The following SMOC2 variants were observed in gnomAD, a reference collection of about 807,000 sequenced individuals.
SMOC2 encodes SPARC-related modular calcium-binding protein 2.
SMOC2 carries 39 observed loss-of-function variants against 61.4 expected under a neutral mutation model. The ratio of observed to expected loss-of-function variants is 0.64; its 90% CI spans 0.49 to 0.83. SMOC2 has a LOEUF of 0.83. Among genes scored for constraint, SMOC2 ranks in the 40% least tolerant of loss-of-function variants. The pLI, the probability that SMOC2 is intolerant of heterozygous loss-of-function variation, is 0.00. For missense variants in SMOC2, 556 were observed against 592.9 expected, an observed-to-expected ratio of 0.94 and a Z score of 0.65; for synonymous variants, 247 against 239.9, an observed-to-expected ratio of 1.03 and a Z score of -0.27.
chr6:168,626,001 G>A (rs1456826278), intron 9 of SMOC2, among the ~76,000 whole-genome samples: 1 of 152,228 alleles, frequency 6.6e-6, no homozygotes, highest in East Asian at 1.9e-4. Context: ...CAGTGAGCAA[G>A]GCAATGGTTA....
chr6:168,511,625 T>C (rs1783010745), intron 2 of SMOC2, among the ~76,000 whole-genome samples: 1 of 152,104 alleles, frequency 6.6e-6, no homozygotes, highest in Non-Finnish European at 1.5e-5. Flanking sequence ...TTTTCCCAGA[T>C]TTAGTGCTCT....
In SMOC2 at chr6:168,441,389, T is replaced by G. The variant is rs1415238145; in HGVS notation, c.19T>G (p.Cys7Gly). MLLPQL[C>G]WLPLLAGLLP... is the part of the protein sequence containing the mutation. ...CGCCACCATGCTGCTCCCCCAGCTCTGCTGGCTGCCGCTGCTCGCTGGGCT... is the reference window on the plus strand; with the variant it reads ...CGCCACCATGCTGCTCCCCCAGCTCGGCTGGCTGCCGCTGCTCGCTGGGCT... The change falls in exon 1 of 13, where the codon TGC (cysteine) becomes GGC (glycine). Residue 7 changes from cysteine to glycine, a missense_variant. By Grantham distance (159) the Cys-to-Gly change is radical. Transcript: ENST00000356284. 1 of 1,508,436 alleles carries G rather than the reference T, an allele frequency of 6.6e-7. No individual in the cohort carries two copies. Among genetic ancestry groups the G allele is most frequent in the South Asian group, 1.2e-5 (1 of 80,908 alleles). The allele number at this position is 1,508,436 out of a possible 1,614,324, so 93.4% of individuals were successfully genotyped here.
chr6:168,502,718 A>T (rs1288242202), intron 1 of SMOC2, among the ~76,000 whole-genome samples: 7 of 150,206 alleles, frequency 4.7e-5, no homozygotes, highest in Non-Finnish European at 7.4e-5. Context: ...TTCATGCCTC[A>T]CTTACTTTTT....
At position 168,535,779 on chromosome 6, in the gene SMOC2, C is replaced by T. The variant is rs777934348; in HGVS notation, c.464-7846C>T. ...GATGTCAGGAGAGAGGCAGCGCCGC[C>T]GGGGGAAGATGGGAGGGAGACCAAT... On this transcript the variant is annotated intron_variant, in intron 4 of 12. Transcript: ENST00000356284. The surrounding 1 kb of genome is among the most constrained non-coding windows in gnomAD (Gnocchi z 4.6). Among the ~76,000 whole-genome samples, 5 of 152,108 alleles carry T rather than the reference C, an allele frequency of 3.3e-5. No homozygotes were observed. Among genetic ancestry groups the T allele is most frequent in the African/African-American group, 4.8e-5 (2 of 41,396 alleles).
chr6:168,547,023 T>C, intron 5 of SMOC2, 96 bp from the exon 6 acceptor site: 1 of 1,450,460 alleles, frequency 6.9e-7, no homozygotes, highest in Non-Finnish European at 9.7e-7. Flanking sequence ...CTGTGGGGAC[T>C]GAGTGCAAGT....
intron 1 of SMOC2, among the ~76,000 whole-genome samples, chr6:168,472,810 T>G (rs36118686): frequency 6.6e-6 from 1 of 152,152 alleles, no homozygotes; most frequent in South Asian, 2.1e-4. Flanking sequence ...TTACTAATAC[T>G]ATAGGGGAAA....
At chr6:168,491,042 G>C (rs1037528478) in intron 1 of SMOC2, among the ~76,000 whole-genome samples, 1 of 152,060 alleles carries the variant, frequency 6.6e-6, no homozygotes, top group East Asian at 1.9e-4. Flanking sequence ...CAAGGGGGCA[G>C]CGGGGGCGGC....
intron 9 of SMOC2, among the ~76,000 whole-genome samples, chr6:168,643,443 A>G (rs1786943263): frequency 6.6e-6 from 1 of 152,116 alleles, no homozygotes; most frequent in African/African-American, 2.4e-5. Context: ...GGCCTCAGGA[A>G]TGCCACACTG....
intron 9 of SMOC2, among the ~76,000 whole-genome samples, chr6:168,626,354 G>A (rs868774614): frequency 5.9e-5 from 9 of 152,150 alleles, no homozygotes. Flanking sequence ...GTTTTTCCTC[G>A]TCAGGAATAA....
intron 7 of SMOC2, among the ~76,000 whole-genome samples, chr6:168,552,551 C>T (rs1207041781): frequency 6.6e-6 from 1 of 152,026 alleles, no homozygotes; most frequent in Non-Finnish European, 1.5e-5. Flanking sequence ...ACTTTTGTTC[C>T]CGCAGACATA....
Position 168,648,970 on chromosome 6 carries a change from C to T in SMOC2, c.908-1711C>T, listed in dbSNP as rs1007086612. Among the ~76,000 whole-genome samples, 54 of 152,248 alleles carry T rather than the reference C, an allele frequency of 3.5e-4. 1 individual carries two copies. Among genetic ancestry groups the T allele is most frequent in the Middle Eastern group, 3.4e-3 (1 of 294 alleles). On this transcript the variant is annotated intron_variant, in intron 9 of 12. Transcript: ENST00000356284. ...ATGGTCCACGCCAACGTGCCCTTGA[C>T]CCAGGGGTGGTCCACGCCAACGTGC...
chr6:168,595,013 C>T (rs1477881773), intron 7 of SMOC2, among the ~76,000 whole-genome samples: 27 of 76,810 alleles, frequency 3.5e-4, no homozygotes, highest in African/African-American at 1.2e-3. Flanking sequence ...AGAGGATCGC[C>T]GAGCTCCTCC....
intron 8 of SMOC2, among the ~76,000 whole-genome samples, chr6:168,600,070 C>T (rs1473322710): frequency 1.3e-5 from 2 of 152,128 alleles, no homozygotes; most frequent in African/African-American, 4.8e-5. Flanking sequence ...GATCACCCAA[C>T]GCTGGGTGAT....
chr6:168,467,636 G>A (rs1384479550), intron 1 of SMOC2, among the ~76,000 whole-genome samples: 4 of 152,110 alleles, frequency 2.6e-5, no homozygotes, highest in Admixed American at 2.6e-4. Flanking sequence ...AAATGTTTTT[G>A]TAGAGATGGG....
At chr6:168,441,588 C>T (rs544618319) in intron 1 of SMOC2, 134 bp downstream of exon 1, 27 of 1,237,400 alleles carry the variant, frequency 2.2e-5, no homozygotes, top group South Asian at 4.2e-5. Flanking sequence ...GGCCGTGGAG[C>T]CTTCGCCTGC....
In SMOC2 at chr6:168,589,052, G is replaced by T. The variant is rs1479284229; in HGVS notation, c.638-9766G>T. Among the ~76,000 whole-genome samples the T allele has an allele frequency of 3.0e-5, 4 of 135,496 alleles. No homozygotes were observed. The East Asian group carries it at 8.9e-4, about 30-fold the overall frequency. The allele number at this position is 135,496 out of a possible 152,430, so 88.9% of individuals were successfully genotyped here. On this transcript the variant is annotated intron_variant, in intron 7 of 12. Transcript: ENST00000356284. Reference sequence around the variant, plus strand: ...AGATCGTGCCACTGCACTCCAGCCTGCATGACAGAGGGAGAATTCGTCTCA... The same window carrying T: ...AGATCGTGCCACTGCACTCCAGCCTTCATGACAGAGGGAGAATTCGTCTCA...
intron 9 of SMOC2, among the ~76,000 whole-genome samples, chr6:168,633,305 T>G (rs79887756): frequency 0.024 from 3,670 of 152,290 alleles, 280 homozygotes; most frequent in Admixed American, 0.16. Context: ...GGTCCTGATC[T>G]GCATTTCCCC....
chr6:168,595,598 C>T lies in SMOC2; in HGVS notation c.638-3220C>T, dbSNP rs145686573. On this transcript the variant is annotated intron_variant, in intron 7 of 12. Transcript: ENST00000356284. The stretch of plus-strand genomic sequence containing the variant: ...TAAAGATCTTCTGCCTCCACTGTGG[C>T]CCTTACTAAAAGAAAATGGAATTGC... 2.2e-3 allele frequency among the ~76,000 whole-genome samples: 340 copies of T among 152,258 alleles called. 2 individuals carry two copies. The highest frequency in any genetic ancestry group is 7.8e-3 in the African/African-American group (325 of 41,560).
chr6:168,568,457 T>C (rs904945662), intron 7 of SMOC2, among the ~76,000 whole-genome samples: 3 of 152,256 alleles, frequency 2.0e-5, no homozygotes, highest in Non-Finnish European at 4.4e-5. Flanking sequence ...TGAACAAATA[T>C]TGATACATTA....
Sources: allele counts gnomAD v4.1 joint callset (sites outside exome capture counted in the v4.1 genomes callset), GRCh38; gene constraint gnomAD v4.1.1; non-coding constraint Gnocchi (gnomAD v3.1); transcripts MANE v1.5; gene names NCBI Gene and HGNC (gene_info 2026-07-23, HGNC 2026-07-21).